Variants in TNRC6B observed in about 807,000 individuals in gnomAD.
TNRC6B encodes the protein trinucleotide repeat-containing gene 6B protein.
A neutral mutation model predicts 203.6 loss-of-function variants in TNRC6B; 52 were observed. That is an observed-to-expected ratio of 0.26 (90% CI 0.20 to 0.32). The LOEUF (loss-of-function observed/expected upper bound fraction) is 0.32, where lower values mean the gene tolerates loss of function less well. TNRC6B is among the 10% of genes least tolerant of loss of function. The pLI, the probability that TNRC6B is intolerant of heterozygous loss-of-function variation, is 1.00. For synonymous variants in TNRC6B, 838 were observed against 845.7 expected, an observed-to-expected ratio of 0.99 and a Z score of 0.16; for missense variants, 1,923 against 2,286.2, an observed-to-expected ratio of 0.84 and a Z score of 3.24.
At chr22:40,274,424 T>C (rs1309129352) in intron 7 of TNRC6B, among the ~76,000 whole-genome samples, 3 of 146,612 alleles carry the variant, frequency 2.0e-5, no homozygotes, top group Non-Finnish European at 3.0e-5. Flanking sequence ...TGATATCTCT[T>C]TTTTTTTTTT....
At chr22:40,136,047 T>G (rs901997899) in intron 3 of TNRC6B, among the ~76,000 whole-genome samples, 1 of 152,170 alleles carries the variant, frequency 6.6e-6, no homozygotes, top group Non-Finnish European at 1.5e-5. Flanking sequence ...GTAGATCCCA[T>G]AGAAGGTCAA....
intron 4 of TNRC6B, among the ~76,000 whole-genome samples, chr22:40,262,778 G>A (rs531350728): frequency 2.6e-5 from 4 of 152,222 alleles, no homozygotes; most frequent in Middle Eastern, 3.4e-3. Flanking sequence ...GGTGGCTCAC[G>A]CCTGTAATCC....
chr22:40,269,051 T>C (rs979102806), intron 5 of TNRC6B, among the ~76,000 whole-genome samples: 1 of 151,452 alleles, frequency 6.6e-6, no homozygotes, highest in East Asian at 1.9e-4. Context: ...TTCTTCACCT[T>C]GCTTTTCTCA....
chr22:40,253,699 C>T (rs114692771), intron 3 of TNRC6B: 50 of 456,356 alleles, frequency 1.1e-4, no homozygotes, highest in African/African-American at 9.6e-4. Flanking sequence ...TACCAGTTGT[C>T]CCTGGGGTAT....
At position 40,244,511 on chromosome 22, in the gene TNRC6B, C is replaced by T. The variant is rs1254168942; in HGVS notation, c.6-1504C>T. ...TAAGACATTATGTATTCACGAGAGC[C>T]CACCTCAGTTTTCATCCATGGTTCC... On this transcript the variant is annotated intron_variant, in intron 1 of 22. Transcript: ENST00000454349. Among the ~76,000 whole-genome samples, 7 of 151,694 alleles carry T rather than the reference C, an allele frequency of 4.6e-5. 1 individual carries two copies. The highest frequency in any genetic ancestry group is 3.9e-4 in the Admixed American group (6 of 15,234).
chr22:40,081,313 T>TG (rs2068062261), intron 1 of TNRC6B, among the ~76,000 whole-genome samples: 1 of 147,804 alleles, frequency 6.8e-6, no homozygotes, highest in Non-Finnish European at 1.5e-5. Flanking sequence ...GCGTGTTTTT[T>TG]TTTTTTTTTT....
intron 1 of TNRC6B, among the ~76,000 whole-genome samples, chr22:40,048,111 G>C (rs1345313499): frequency 6.6e-6 from 1 of 152,222 alleles, no homozygotes; most frequent in African/African-American, 2.4e-5. Context: ...TTGAGCTTCT[G>C]TTCCTCTCAC....
chr22:40,271,184 T>A (rs1052338210), intron 6 of TNRC6B, among the ~76,000 whole-genome samples: 1 of 152,242 alleles, frequency 6.6e-6, no homozygotes, highest in African/African-American at 2.4e-5. Context: ...CTCTGTGGAC[T>A]GAGGCTATGG....
chr22:40,258,794 C>A (rs920731960), intron 3 of TNRC6B, among the ~76,000 whole-genome samples: 6 of 152,186 alleles, frequency 3.9e-5, no homozygotes, highest in Non-Finnish European at 8.8e-5. Context: ...AGGAATCTTA[C>A]ATGATACGTG....
chr22:40,086,912 G>A (rs914089755), intron 1 of TNRC6B, among the ~76,000 whole-genome samples: 3 of 152,174 alleles, frequency 2.0e-5, no homozygotes, highest in Non-Finnish European at 4.4e-5. Context: ...ACCAGGCAGT[G>A]TTTAAAGATT....
intron 5 of TNRC6B, among the ~76,000 whole-genome samples, chr22:40,268,912 C>CA (rs1045950958): frequency 1.3e-5 from 2 of 148,922 alleles, no homozygotes; most frequent in African/African-American, 5.0e-5. Flanking sequence ...GACTCCGTCT[C>CA]AAAAAATAAT....
In TNRC6B at chr22:40,312,724, G is replaced by A. The variant is rs1295836039; in HGVS notation, c.4582+73G>A. ...TAGTTGTCAGTTTGTGACTTCATTTGTACTTGCTGGTACCTAAAAGTTTAA... is the reference window on the plus strand; with the variant it reads ...TAGTTGTCAGTTTGTGACTTCATTTATACTTGCTGGTACCTAAAAGTTTAA... On this transcript the variant is annotated intron_variant, in intron 18 of 22. Transcript: ENST00000454349. The A allele has an allele frequency of 2.0e-6, 3 of 1,534,462 alleles. No individual in the cohort carries two copies. The African/African-American group carries it at 4.1e-5, about 21-fold the overall frequency.
intron 4 of TNRC6B, among the ~76,000 whole-genome samples, chr22:40,168,515 TG>T (rs1347724582): frequency 1.3e-5 from 2 of 152,198 alleles, no homozygotes; most frequent in Non-Finnish European, 2.9e-5. Context: ...CTAAGGAATT[TG>T]AGAAAAACTG....
chr22:40,098,494 G>T (rs1222669732), intron 1 of TNRC6B, among the ~76,000 whole-genome samples: 1 of 149,482 alleles, frequency 6.7e-6, no homozygotes, highest in Non-Finnish European at 1.5e-5. Flanking sequence ...TCTGCATCCC[G>T]CCATCAGTAT....
intron 1 of TNRC6B, among the ~76,000 whole-genome samples, chr22:40,057,727 A>G (rs1245736225): frequency 6.6e-6 from 1 of 152,202 alleles, no homozygotes; most frequent in South Asian, 2.1e-4. Flanking sequence ...TGTCTTGGGT[A>G]CTTGCTGGGT....
chr22:40,053,099 T>A (rs2146264597), intron 1 of TNRC6B, among the ~76,000 whole-genome samples: 1 of 151,412 alleles, frequency 6.6e-6, no homozygotes. Flanking sequence ...GAGGTATGAC[T>A]GACATACTAA....
intron 1 of TNRC6B, among the ~76,000 whole-genome samples, chr22:40,101,111 A>G (rs1039282600): frequency 1.3e-5 from 2 of 150,538 alleles, no homozygotes; most frequent in Non-Finnish European, 1.5e-5. Flanking sequence ...TCCTGCCTCA[A>G]CCTCCCGAGT....
In TNRC6B at chr22:40,285,231, A is replaced by G. The variant is rs186663735; in HGVS notation, c.3583-414A>G. 1.8e-3 allele frequency among the ~76,000 whole-genome samples: 268 copies of G among 152,358 alleles called. 2 individuals carry two copies. Among genetic ancestry groups the G allele is most frequent in the African/African-American group, 5.3e-3 (222 of 41,584 alleles). On this transcript the variant is annotated intron_variant, in intron 11 of 22. Coordinates refer to ENST00000454349, the MANE Select transcript of TNRC6B (RefSeq NM_001162501.2). ...CACATCATAATGTTTTATAAATACAACTGATAACTATTCATAAGGCTGCAT... is the reference window on the plus strand; with the variant it reads ...CACATCATAATGTTTTATAAATACAGCTGATAACTATTCATAAGGCTGCAT...
At chr22:40,090,061 T>C (rs939194233) in intron 1 of TNRC6B, among the ~76,000 whole-genome samples, 1 of 152,234 alleles carries the variant, frequency 6.6e-6, no homozygotes, top group Non-Finnish European at 1.5e-5. Flanking sequence ...CTGGATGTAC[T>C]CTAGTTTATC....
Sources: gnomAD v4.1 joint callset for allele counts (sites outside exome capture counted in the v4.1 genomes callset) on GRCh38, gnomAD v4.1.1 for gene constraint, MANE v1.5 for transcripts, NCBI Gene and HGNC (gene_info 2026-07-23, HGNC 2026-07-21) for gene names.